TBCB: variants seen among roughly 807,000 people sequenced by gnomAD.
The protein encoded by TBCB is tubulin-folding cofactor B.
Under a neutral mutation model 29.2 loss-of-function variants are expected in TBCB, and 18 were observed. The observed-to-expected ratio is 0.62, with a 90% CI of 0.43 to 0.91. The LOEUF is 0.91. Ranked by LOEUF, TBCB falls within the 40% of genes least tolerant of loss-of-function variation. The pLI is 0.00. For missense variants in TBCB, 336 were observed against 337.6 expected (o/e 1.00, Z 0.04); for synonymous variants, 172 against 137.8 (o/e 1.25, Z -1.74).
intron 2 of TBCB, 86 bp from the exon 3 acceptor site, chr19:36,120,624 A>G (rs1974029557): frequency 1.7e-6 from 2 of 1,145,478 alleles, no homozygotes; most frequent in Admixed American, 1.8e-5. Context: ...CGTTTTTCCC[A>G]GATGGAGACA....
At chr19:36,115,387 C>A (rs1973928199), upstream of TBCB, 7 of 598,704 alleles carry the variant, frequency 1.2e-5, no homozygotes, top group Non-Finnish European at 2.1e-5. Context: ...CTCTTCCTGG[C>A]GGTGGGGAAG....
At chr19:36,120,561 C>G (rs780055361) in intron 2 of TBCB, 149 bp from the exon 3 acceptor site, 7 of 626,414 alleles carry the variant, frequency 1.1e-5, no homozygotes, top group Non-Finnish European at 2.0e-5. Flanking sequence ...TTCTCCCTTC[C>G]GCTGGGCTCA....
intron 4 of TBCB, chr19:36,122,060 G>C: frequency 2.5e-6 from 1 of 398,596 alleles, no homozygotes; most frequent in Non-Finnish European, 4.6e-6. Flanking sequence ...GGAACACAGG[G>C]GGCTGTGTGA....
intron 2 of TBCB, chr19:36,117,939 T>A (rs943904016): frequency 6.6e-6 from 1 of 151,778 alleles, no homozygotes; most frequent in Non-Finnish European, 1.5e-5. Flanking sequence ...GTAATTTTTG[T>A]ATTTTTAGTA....
chr19:36,122,751 C>T (rs1210931795), intron 4 of TBCB, among the ~76,000 whole-genome samples: 1 of 130,818 alleles, frequency 7.6e-6, no homozygotes, highest in Admixed American at 7.9e-5. Flanking sequence ...GAGACCCTGT[C>T]TCCAAAAAAA....
chr19:36,120,630 A>C (rs1250543233), intron 2 of TBCB, 80 bp from the exon 3 acceptor site: 1 of 1,199,114 alleles, frequency 8.3e-7, no homozygotes, highest in East Asian at 2.3e-5. Flanking sequence ...TCCCAGATGG[A>C]GACACTGAAG....
At chr19:36,125,400 G>C in intron 4 of TBCB, 51 bp from the exon 5 acceptor site, 1 of 1,595,924 alleles carries the variant, frequency 6.3e-7, no homozygotes, top group Non-Finnish European at 8.6e-7. Flanking sequence ...AATTTCATGG[G>C]GATTTCTTCT....
At chr19:36,122,959 TG>T (rs1340629579) in intron 4 of TBCB, among the ~76,000 whole-genome samples, 1 of 152,132 alleles carries the variant, frequency 6.6e-6, no homozygotes, top group Non-Finnish European at 1.5e-5. Flanking sequence ...TATGCCTGTG[TG>T]TACCCATCCC....
chr19:36,120,527 G>A (rs150091844), intron 2 of TBCB, 183 bp from the exon 3 acceptor site: 568 of 572,358 alleles, frequency 9.9e-4, no homozygotes, highest in Admixed American at 3.4e-3. Context: ...TGAGGAAGGG[G>A]AGGTGGCCAG....
At position 36,120,769 on chromosome 19, in the gene TBCB, G is replaced by A; in HGVS notation, c.318G>A (p.Lys106=). ...GEYEDVSRVE[K]YTISQEAYDQ... ...ATGAGGACGTGTCCCGGGTGGAGAAGTACACGATCTCACAAGAAGCCTACG... is the reference window on the plus strand; with the variant it reads ...ATGAGGACGTGTCCCGGGTGGAGAAATACACGATCTCACAAGAAGCCTACG... Residue 106 remains lysine (K), a synonymous_variant, in exon 3 of 6, where the codon AAG becomes AAA. Transcript: ENST00000221855. 1 of 1,614,034 alleles carries A rather than the reference G, an allele frequency of 6.2e-7. No individual in the cohort carries two copies. The highest frequency in any genetic ancestry group is 2.2e-5 in the East Asian group (1 of 44,860).
intron 3 of TBCB, 77 bp from the exon 4 acceptor site, chr19:36,121,449 TG>T: frequency 6.9e-7 from 1 of 1,455,348 alleles, no homozygotes. Context: ...TCCGTGAACG[TG>T]GGCCCCTCGT....
At chr19:36,121,402 G>T in intron 3 of TBCB, 125 bp from the exon 4 acceptor site, 2 of 1,179,766 alleles carry the variant, frequency 1.7e-6, no homozygotes, top group Non-Finnish European at 2.3e-6. Flanking sequence ...CCTGGGGCTT[G>T]GGTGACAGCC....
intron 3 of TBCB, 43 bp from the exon 4 acceptor site, chr19:36,121,484 C>A (rs770754202): frequency 2.6e-6 from 4 of 1,524,612 alleles, no homozygotes; most frequent in Non-Finnish European, 3.5e-6. Context: ...TCCTGTTAGG[C>A]CCGGCCGACA....
intron 2 of TBCB, 47 bp from the exon 3 acceptor site, chr19:36,120,663 C>T (rs1180351722): frequency 6.3e-7 from 1 of 1,582,258 alleles, no homozygotes; most frequent in East Asian, 2.2e-5. Context: ...GCACCCAGGC[C>T]TCCCTGGCCA....
chr19:36,120,970 G>A (rs111846720), intron 3 of TBCB, among the ~76,000 whole-genome samples, 164 bp downstream of exon 3: 3 of 151,646 alleles, frequency 2.0e-5, no homozygotes, highest in Admixed American at 6.6e-5. Context: ...GGGGACAGAC[G>A]GAGGCCTGGG....
In TBCB at chr19:36,121,398, G is replaced by A. The variant is rs373516015; in HGVS notation, c.356-129G>A. 34 of 1,156,490 alleles carry A rather than the reference G, an allele frequency of 2.9e-5. No individual in the cohort carries two copies. In the African/African-American group the frequency reaches 4.0e-4, roughly 14 times the overall value. The allele number at this position is 1,156,490 out of a possible 1,614,324, so 71.6% of individuals were successfully genotyped here. A position where few individuals can be genotyped will look rare whatever the true frequency, so the allele number is the denominator to read the frequency against. On this transcript the variant is annotated intron_variant, in intron 3 of 5. Transcript: ENST00000221855. ...CTAAGGCTGTGGTGGGAGACCTGGGGCTTGGGTGACAGCCCTTTGTCACCT... is the reference window on the plus strand; with the variant it reads ...CTAAGGCTGTGGTGGGAGACCTGGGACTTGGGTGACAGCCCTTTGTCACCT...
rs545300614 is a variant in TBCB, at chr19:36,121,575, A to G, written c.404A>G (p.Glu135Gly). The part of the protein sequence containing the change: ...LKRSKLGRYN[E>G]EERAQQEAEA... ...CGCAGCAAGCTCGGCCGGTACAACG[A>G]GGAGGAGCGGGCTCAGCAGGAGGCC... Residue 135 changes from glutamate to glycine, a missense_variant, in exon 4 of 6, where the codon GAG becomes GGG. Coordinates refer to ENST00000221855, the MANE Select transcript of TBCB (RefSeq NM_001281.3). The G allele has an allele frequency of 4.5e-6, 7 of 1,558,934 alleles. No homozygotes were observed. In the African/African-American group the frequency reaches 9.5e-5, roughly 21 times the overall value.
At chr19:36,124,047 C>G (rs1974099347) in intron 4 of TBCB, among the ~76,000 whole-genome samples, 1 of 152,082 alleles carries the variant, frequency 6.6e-6, no homozygotes, top group South Asian at 2.1e-4. Flanking sequence ...CAGAAGGGTC[C>G]CATTTTGTCC....
chr19:36,119,689 C>G (rs976601383), intron 2 of TBCB, among the ~76,000 whole-genome samples: 5 of 152,136 alleles, frequency 3.3e-5, no homozygotes, highest in African/African-American at 1.2e-4. Flanking sequence ...GTCAGGAGTT[C>G]TAGACCAGCC....
Sources: gnomAD v4.1 joint callset for allele counts (sites outside exome capture counted in the v4.1 genomes callset) on GRCh38, gnomAD v4.1.1 for gene constraint, MANE v1.5 for transcripts, NCBI Gene and HGNC (gene_info 2026-07-23, HGNC 2026-07-21) for gene names.